Variants in ST8SIA4 observed in about 807,000 individuals in gnomAD.
The protein encoded by ST8SIA4 is ST8 alpha-N-acetyl-neuraminide alpha-2,8-sialyltransferase 4, also known as CMP-N-acetylneuraminate-poly-alpha-2,8-sialyltransferase.
Under a neutral mutation model 33.9 loss-of-function variants are expected in ST8SIA4, and 15 were observed. The ratio of observed to expected loss-of-function variants is 0.44; its 90% CI spans 0.30 to 0.68. ST8SIA4 has a LOEUF of 0.68. ST8SIA4 is among the 30% of genes least tolerant of loss of function. The probability of loss-of-function intolerance (pLI) is 0.10; values close to 1 mark genes in which losing one functional copy is unlikely to be tolerated. For synonymous variants in ST8SIA4, 171 were observed against 151.2 expected, an observed-to-expected ratio of 1.13 and a Z score of -0.96; for missense variants, 321 against 428.0, an observed-to-expected ratio of 0.75 and a Z score of 2.21.
At chr5:100,842,748 C>T (rs1323562090) in intron 4 of ST8SIA4, among the ~76,000 whole-genome samples, 1 of 151,618 alleles carries the variant, frequency 6.6e-6, no homozygotes, top group East Asian at 1.9e-4. Context: ...AGAACTTTAG[C>T]TGCAAGTAAT....
At chr5:100,839,872 T>C (rs574747317) in intron 4 of ST8SIA4, among the ~76,000 whole-genome samples, 33 of 152,000 alleles carry the variant, frequency 2.2e-4, no homozygotes, top group African/African-American at 7.0e-4. Context: ...TGAGTGTCTA[T>C]TTTTGAGCAG....
intron 4 of ST8SIA4, among the ~76,000 whole-genome samples, chr5:100,828,986 G>C (rs1279052890): frequency 1.3e-5 from 2 of 152,164 alleles, no homozygotes; most frequent in Admixed American, 1.3e-4. Flanking sequence ...GGCAATATTT[G>C]AGCTCAAAAC....
At chr5:100,891,604 T>C (rs1752667864) in intron 2 of ST8SIA4, among the ~76,000 whole-genome samples, 2 of 152,076 alleles carry the variant, frequency 1.3e-5, no homozygotes, top group Admixed American at 1.3e-4. Context: ...AGAGCATTTT[T>C]AGTTTAATTT....
intron 4 of ST8SIA4, among the ~76,000 whole-genome samples, chr5:100,830,836 T>C (rs1373494734): frequency 6.6e-6 from 1 of 152,212 alleles, no homozygotes; most frequent in East Asian, 1.9e-4. Context: ...TTTTAAAGGA[T>C]ACAAGCAAAT....
At chr5:100,819,090 C>A (rs931488526) in intron 4 of ST8SIA4, among the ~76,000 whole-genome samples, 1 of 152,166 alleles carries the variant, frequency 6.6e-6, no homozygotes, top group Non-Finnish European at 1.5e-5. Flanking sequence ...AAACCACTTT[C>A]ACATGATCCT....
intron 3 of ST8SIA4, among the ~76,000 whole-genome samples, chr5:100,861,962 A>C (rs1248984056): frequency 6.6e-6 from 1 of 152,210 alleles, no homozygotes; most frequent in Non-Finnish European, 1.5e-5. Context: ...TTCCTTTTAC[A>C]TGCTCTTTCC....
At chr5:100,849,396 G>C in intron 4 of ST8SIA4, 1 of 985,254 alleles carries the variant, frequency 1.0e-6, no homozygotes, top group South Asian at 4.7e-5. Flanking sequence ...AATTCTCTAC[G>C]TCAGTGTTCT....
At chr5:100,879,665 T>C (rs1752375485) in intron 3 of ST8SIA4, among the ~76,000 whole-genome samples, 1 of 152,204 alleles carries the variant, frequency 6.6e-6, no homozygotes, top group Admixed American at 6.6e-5. Flanking sequence ...ATAAGATACA[T>C]TCTATAAATT....
At chr5:100,840,239 T>C (rs1371382250) in intron 4 of ST8SIA4, among the ~76,000 whole-genome samples, 2 of 151,862 alleles carry the variant, frequency 1.3e-5, no homozygotes, top group African/African-American at 4.8e-5. Flanking sequence ...CTACTTATTT[T>C]AACAAGATTG....
intron 3 of ST8SIA4, among the ~76,000 whole-genome samples, chr5:100,879,802 C>A (rs948483235): frequency 1.3e-5 from 2 of 152,088 alleles, no homozygotes; most frequent in African/African-American, 4.8e-5. Context: ...ACAACAGATG[C>A]CAAATATATG....
At chr5:100,880,815 T>C (rs1350511515) in intron 3 of ST8SIA4, among the ~76,000 whole-genome samples, 4 of 152,098 alleles carry the variant, frequency 2.6e-5, no homozygotes, top group Non-Finnish European at 4.4e-5. Flanking sequence ...GAAAAAGGGG[T>C]CAAGGCACTT....
At position 100,903,043 on chromosome 5, in the gene ST8SIA4, G is replaced by C. The variant is rs540562796; in HGVS notation, c.-88C>G. The C allele has an allele frequency of 1.1e-6, 1 of 925,220 alleles. No homozygotes were observed. Among genetic ancestry groups the C allele is most frequent in the Non-Finnish European group, 1.7e-6 (1 of 575,032 alleles). The allele number at this position is 925,220 out of a possible 1,614,324, so 57.3% of individuals were successfully genotyped here. A position where few individuals can be genotyped will look rare whatever the true frequency, so the allele number is the denominator to read the frequency against. On this transcript the variant is annotated 5_prime_UTR_variant, in exon 1 of 5. Coordinates refer to ENST00000231461, the MANE Select transcript of ST8SIA4 (RefSeq NM_005668.6). ...CCGTTTTGGGGAGATAGTCGCGGGG[G>C]TGAAATCTGTAAAATGCGAGGAGAG...
chr5:100,880,538 A>G (rs779955349), intron 3 of ST8SIA4, among the ~76,000 whole-genome samples: 2 of 152,160 alleles, frequency 1.3e-5, no homozygotes, highest in African/African-American at 2.4e-5. Flanking sequence ...TACCTCATTT[A>G]TTGTTACTGG....
intron 3 of ST8SIA4, chr5:100,885,294 G>T: frequency 1.1e-6 from 1 of 880,216 alleles, no homozygotes; most frequent in Non-Finnish European, 1.4e-6. Flanking sequence ...TCACCCAAGA[G>T]AGAAAAGGAA....
At chr5:100,840,110 C>T (rs1751442360) in intron 4 of ST8SIA4, among the ~76,000 whole-genome samples, 1 of 151,642 alleles carries the variant, frequency 6.6e-6, no homozygotes, top group Admixed American at 6.6e-5. Flanking sequence ...TTGGTCTTAT[C>T]AGTGAGACAC....
chr5:100,882,433 G>T (rs545867840), intron 3 of ST8SIA4, among the ~76,000 whole-genome samples: 4 of 152,278 alleles, frequency 2.6e-5, no homozygotes, highest in Admixed American at 6.5e-5. Flanking sequence ...TTTTAGAAGA[G>T]AAACTGAATA....
chr5:100,887,243 C>T (rs891387088), intron 2 of ST8SIA4, among the ~76,000 whole-genome samples: 6 of 152,024 alleles, frequency 3.9e-5, no homozygotes, highest in African/African-American at 1.4e-4. Context: ...GAACATTGGA[C>T]TCTGTGTGGC....
At chr5:100,834,772 C>T (rs1195569906) in intron 4 of ST8SIA4, among the ~76,000 whole-genome samples, 1 of 152,076 alleles carries the variant, frequency 6.6e-6, no homozygotes, top group Non-Finnish European at 1.5e-5. Context: ...ACCCTGCTCT[C>T]ACCATGTGAG....
intron 1 of ST8SIA4, among the ~76,000 whole-genome samples, 199 bp from the exon 2 acceptor site, chr5:100,895,984 A>C (rs1395757485): frequency 3.3e-5 from 5 of 152,120 alleles, no homozygotes; most frequent in Non-Finnish European, 7.4e-5. Context: ...ATCTACACGT[A>C]ATATTTTTGA....
Sources: gnomAD v4.1 joint callset for allele counts (sites outside exome capture counted in the v4.1 genomes callset) on GRCh38, gnomAD v4.1.1 for gene constraint, MANE v1.5 for transcripts, NCBI Gene and HGNC (gene_info 2026-07-23, HGNC 2026-07-21) for gene names.